The following DDX10 variants were observed in gnomAD, a reference collection of about 807,000 sequenced individuals.
The protein encoded by DDX10 is DEAD-box helicase 10.
In DDX10, 74 loss-of-function variants were observed where a neutral mutation model predicts 104.3. The observed-to-expected ratio is 0.71, with a 90% CI of 0.59 to 0.86. The LOEUF is 0.86. Among genes scored for constraint, DDX10 ranks in the 40% least tolerant of loss-of-function variants. DDX10 has a pLI of 0.00. For synonymous variants in DDX10, 351 were observed against 353.4 expected, an observed-to-expected ratio of 0.99 and a Z score of 0.08; for missense variants, 952 against 1,040.0, an observed-to-expected ratio of 0.92 and a Z score of 1.16.
intron 10 of DDX10, among the ~76,000 whole-genome samples, chr11:108,707,632 A>G (rs1218740321): frequency 6.6e-6 from 1 of 152,214 alleles, no homozygotes; most frequent in Non-Finnish European, 1.5e-5. Context: ...CATAAAGGCT[A>G]GTAAGTTGTC....
At chr11:108,921,113 A>T (rs1480459461) in intron 17 of DDX10, 1 of 152,228 alleles carries the variant, frequency 6.6e-6, no homozygotes, top group Non-Finnish European at 1.5e-5. Flanking sequence ...CTGGACTAGC[A>T]GGCAGGATTT....
intron 14 of DDX10, 136 bp downstream of exon 14, chr11:108,838,701 C>G: frequency 2.0e-6 from 2 of 988,414 alleles, no homozygotes; most frequent in South Asian, 4.1e-5. Flanking sequence ...TTCACTGTTA[C>G]TGTAGGCTGT....
chr11:108,731,901 G>A (rs950113903), intron 13 of DDX10, among the ~76,000 whole-genome samples: 1 of 152,160 alleles, frequency 6.6e-6, no homozygotes, highest in Non-Finnish European at 1.5e-5. Context: ...GGAAGACTAA[G>A]CACTTTTCCA....
At chr11:108,914,051 C>T (rs1455037811) in intron 16 of DDX10, among the ~76,000 whole-genome samples, 1 of 152,124 alleles carries the variant, frequency 6.6e-6, no homozygotes, top group Non-Finnish European at 1.5e-5. Context: ...TTGTCAATTA[C>T]AAGAGTCACA....
At chr11:108,832,875 A>G (rs1862491358) in intron 13 of DDX10, among the ~76,000 whole-genome samples, 1 of 152,212 alleles carries the variant, frequency 6.6e-6, no homozygotes, top group Admixed American at 6.5e-5. Context: ...CTCTTTTAGT[A>G]ACTTCATGTT....
intron 13 of DDX10, among the ~76,000 whole-genome samples, chr11:108,772,688 C>T (rs554140759): frequency 6.6e-6 from 1 of 152,354 alleles, no homozygotes; most frequent in East Asian, 1.9e-4. Context: ...AGAAGGTGAG[C>T]GGCCAGGCGG....
At chr11:108,709,220 A>C (rs10890888) in intron 10 of DDX10, among the ~76,000 whole-genome samples, 74,626 of 151,984 alleles carry the variant, frequency 0.49, 20,494 homozygotes, top group Non-Finnish European at 0.61. Flanking sequence ...TATTAGCAGT[A>C]GGTTTTTTGT....
At chr11:108,787,690 T>A (rs1412906311) in intron 13 of DDX10, among the ~76,000 whole-genome samples, 1 of 152,108 alleles carries the variant, frequency 6.6e-6, no homozygotes, top group Non-Finnish European at 1.5e-5. Context: ...CCCAGCACTT[T>A]GGGAGGCTGA....
intron 10 of DDX10, 39 bp from the exon 11 acceptor site, chr11:108,715,840 G>T: frequency 9.4e-7 from 1 of 1,068,008 alleles, no homozygotes; most frequent in South Asian, 1.4e-5. Flanking sequence ...CTCCAAATTT[G>T]AGATATCTTA....
At chr11:108,792,279 G>GT (rs1237169834) in intron 13 of DDX10, among the ~76,000 whole-genome samples, 4 of 152,098 alleles carry the variant, frequency 2.6e-5, no homozygotes. Context: ...TGGAAATCCA[G>GT]TTTATCAAGT....
At chr11:108,777,403 C>T (rs972213028) in intron 13 of DDX10, among the ~76,000 whole-genome samples, 1 of 152,096 alleles carries the variant, frequency 6.6e-6, no homozygotes, top group Admixed American at 6.5e-5. Flanking sequence ...CATCTCAGCT[C>T]ACTGCAACCT....
chr11:108,807,073 G>C (rs771617129), intron 13 of DDX10, among the ~76,000 whole-genome samples: 1 of 152,182 alleles, frequency 6.6e-6, no homozygotes, highest in Non-Finnish European at 1.5e-5. Flanking sequence ...GCAATAGCTT[G>C]GACTGGGGTG....
At chr11:108,797,932 G>A (rs1861968403) in intron 13 of DDX10, among the ~76,000 whole-genome samples, 1 of 152,202 alleles carries the variant, frequency 6.6e-6, no homozygotes, top group Non-Finnish European at 1.5e-5. Flanking sequence ...TCCCAAGGGA[G>A]CAGAGTGCAG....
At chr11:108,794,256 A>C (rs191410278) in intron 13 of DDX10, among the ~76,000 whole-genome samples, 31 of 151,530 alleles carry the variant, frequency 2.0e-4, no homozygotes, top group African/African-American at 7.0e-4. Context: ...TTTTTGAGAG[A>C]TCTCCATACT....
intron 13 of DDX10, among the ~76,000 whole-genome samples, chr11:108,753,602 C>G (rs1355681381): frequency 1.3e-5 from 2 of 151,944 alleles, no homozygotes. Flanking sequence ...TTCACGAATT[C>G]CTGGTTCAGA....
chr11:108,785,532 T>C (rs1861779171), intron 13 of DDX10, among the ~76,000 whole-genome samples: 1 of 152,212 alleles, frequency 6.6e-6, no homozygotes, highest in African/African-American at 2.4e-5. Context: ...TATCACTTCC[T>C]TTTTGTACAT....
At chr11:108,709,104 A>G (rs35234597) in intron 10 of DDX10, among the ~76,000 whole-genome samples, 10,390 of 152,178 alleles carry the variant, frequency 0.068, 402 homozygotes, top group Middle Eastern at 0.13. Flanking sequence ...TATTGCATTA[A>G]TTAGGACTTC....
intron 13 of DDX10, among the ~76,000 whole-genome samples, chr11:108,728,504 CTTTTTTTTT>C (rs71050884): frequency 2.4e-4 from 29 of 121,806 alleles, no homozygotes; most frequent in Non-Finnish European, 2.1e-4. Context: ...CACATTTGTT[CTTTTTTTTT>C]TTTTTTTTTT....
At chr11:108,690,753 G>A (rs2094251328) in intron 7 of DDX10, 1 of 236,914 alleles carries the variant, frequency 4.2e-6, no homozygotes, top group Non-Finnish European at 8.5e-6. Context: ...TCCTTGATGG[G>A]CAGGAGAAGA....
Sources: allele counts gnomAD v4.1 joint callset (sites outside exome capture counted in the v4.1 genomes callset), GRCh38; gene constraint gnomAD v4.1.1; transcripts MANE v1.5; gene names NCBI Gene and HGNC (gene_info 2026-07-23, HGNC 2026-07-21).